The following ASCC3 variants were observed in gnomAD, a reference collection of about 807,000 sequenced individuals.
ASCC3 encodes the protein ASC-1 complex subunit P200.
Under a neutral mutation model 256.3 loss-of-function variants are expected in ASCC3, and 158 were observed. That is an observed-to-expected ratio of 0.62 (90% confidence interval 0.54 to 0.70). The LOEUF is 0.70. ASCC3 is among the 30% of genes least tolerant of loss of function. The probability of loss-of-function intolerance (pLI) is 0.00; values close to 1 mark genes in which losing one functional copy is unlikely to be tolerated. For missense variants in ASCC3, 2,259 were observed against 2,626.0 expected, an observed-to-expected ratio of 0.86 and a Z score of 3.05; for synonymous variants, 948 against 883.4, an observed-to-expected ratio of 1.07 and a Z score of -1.30.
intron 4 of ASCC3, among the ~76,000 whole-genome samples, chr6:100,821,766 G>A (rs1441041813): frequency 6.6e-6 from 1 of 152,022 alleles, no homozygotes; most frequent in African/African-American, 2.4e-5. Context: ...GGAGGTTGTA[G>A]TAAGCCAAGA....
intron 13 of ASCC3, among the ~76,000 whole-genome samples, chr6:100,706,726 C>T (rs1183932959): frequency 6.6e-6 from 1 of 152,022 alleles, no homozygotes; most frequent in Non-Finnish European, 1.5e-5. Flanking sequence ...GGCAGATCAA[C>T]CTGCAAGTAG....
Position 100,757,586 on chromosome 6 carries a change from GA to G in ASCC3, c.1737+8978del, listed in dbSNP as rs1562275646. ...ATGAACAAAAAAGGCACAAACCACA[GA>G]AGAAGTTTATAAATTTGACTATCTT... On this transcript the variant is annotated intron_variant, in intron 10 of 41. Transcript: ENST00000369162. Among the ~76,000 whole-genome samples, 3 of 1,358 alleles carry G rather than the reference GA, an allele frequency of 2.2e-3. No homozygotes were observed. In the Non-Finnish European group the frequency reaches 0.027, roughly 12 times the overall value. 0.9% of individuals were successfully genotyped at this position (1,358 alleles called of 152,430 possible).
At chr6:100,783,543 T>C (rs9498375) in intron 8 of ASCC3, among the ~76,000 whole-genome samples, 1 of 152,178 alleles carries the variant, frequency 6.6e-6, no homozygotes, top group East Asian at 1.9e-4. Context: ...AGAGCTCACA[T>C]TGCAGCAGAT....
intron 24 of ASCC3, among the ~76,000 whole-genome samples, chr6:100,640,244 A>G (rs1368361538): frequency 2.0e-5 from 3 of 152,068 alleles, no homozygotes; most frequent in African/African-American, 4.8e-5. Flanking sequence ...AAATAAATAA[A>G]CTGCATATTG....
At chr6:100,606,347 T>C (rs563844241) in intron 32 of ASCC3, among the ~76,000 whole-genome samples, 1 of 152,236 alleles carries the variant, frequency 6.6e-6, no homozygotes, top group East Asian at 1.9e-4. Context: ...ACTTTGGTTC[T>C]GGAAATCCCA....
intron 13 of ASCC3, among the ~76,000 whole-genome samples, chr6:100,713,637 C>A (rs1378962529): frequency 6.6e-6 from 1 of 152,002 alleles, no homozygotes; most frequent in Non-Finnish European, 1.5e-5. Context: ...GGACACTGTG[C>A]TTGTGTGGGA....
chr6:100,643,981 A>C, intron 23 of ASCC3, 50 bp downstream of exon 23: 1 of 1,276,832 alleles, frequency 7.8e-7, no homozygotes, highest in Non-Finnish European at 1.1e-6. Flanking sequence ...CTGTTAGTAT[A>C]ATTTTTTTTA....
intron 16 of ASCC3, among the ~76,000 whole-genome samples, chr6:100,660,686 C>T (rs916058351): frequency 2.6e-5 from 4 of 151,642 alleles, no homozygotes; most frequent in African/African-American, 9.7e-5. Flanking sequence ...CTGCACTAGA[C>T]AAGCTGTTAC....
At chr6:100,749,855 A>C (rs1003053633) in intron 10 of ASCC3, among the ~76,000 whole-genome samples, 6 of 151,642 alleles carry the variant, frequency 4.0e-5, no homozygotes, top group Non-Finnish European at 7.4e-5. Flanking sequence ...TATAGAAATA[A>C]ATTTTATATA....
At position 100,685,584 on chromosome 6, in the gene ASCC3, A is replaced by G. The variant is rs570566453; in HGVS notation, c.2152-5832T>C. 2.6e-5 allele frequency among the ~76,000 whole-genome samples: 4 copies of G among 152,350 alleles called. No homozygotes were observed. The South Asian group carries it at 6.2e-4, about 24-fold the overall frequency. ...AGAATCCTGTATTAAGGCATCCATC[A>G]TAAGTTAAAAAAATTATTAGCTTTT... is the stretch of plus-strand genomic sequence containing the variant. On this transcript the variant is annotated intron_variant, in intron 13 of 41. Coordinates refer to ENST00000369162, the MANE Select transcript of ASCC3 (RefSeq NM_006828.4).
chr6:100,864,318 C>T, intron 2 of ASCC3, 104 bp from the exon 3 acceptor site: 1 of 1,011,322 alleles, frequency 9.9e-7, no homozygotes, highest in Non-Finnish European at 1.5e-6. Context: ...TGGTACTACC[C>T]ACAAGAATTC....
At chr6:100,822,493 C>T (rs928891354) in intron 4 of ASCC3, among the ~76,000 whole-genome samples, 30 of 149,686 alleles carry the variant, frequency 2.0e-4, no homozygotes, top group Non-Finnish European at 3.8e-4. Context: ...TCCAAGATCG[C>T]GCCACTGCAC....
chr6:100,672,219 G>A (rs958328463), intron 14 of ASCC3, among the ~76,000 whole-genome samples: 6 of 151,934 alleles, frequency 3.9e-5, no homozygotes, highest in Admixed American at 3.3e-4. Context: ...TATTTAATTA[G>A]TTGTTTAATC....
chr6:100,766,077 T>G (rs773629696), intron 10 of ASCC3, among the ~76,000 whole-genome samples: 21 of 152,200 alleles, frequency 1.4e-4, no homozygotes, highest in Non-Finnish European at 2.6e-4. Flanking sequence ...TATTGTCAGG[T>G]ATTCATTCAT....
chr6:100,580,874 T>C (rs1051808986), intron 36 of ASCC3, among the ~76,000 whole-genome samples: 7 of 151,968 alleles, frequency 4.6e-5, no homozygotes, highest in African/African-American at 1.5e-4. Flanking sequence ...AGAATGATGA[T>C]TTCCAATTGC....
chr6:100,666,355 C>A (rs535471319), intron 14 of ASCC3, among the ~76,000 whole-genome samples: 2 of 152,030 alleles, frequency 1.3e-5, no homozygotes, highest in East Asian at 1.9e-4. Context: ...ATGAATCTTA[C>A]GGGTCACATG....
Position 100,784,177 on chromosome 6 carries a change from A to T in ASCC3, c.1395+14536T>A, listed in dbSNP as rs190399921. On this transcript the variant is annotated intron_variant, in intron 8 of 41. Coordinates refer to ENST00000369162, the MANE Select transcript of ASCC3 (RefSeq NM_006828.4). Reference sequence around the variant, plus strand: ...TTTTTAACCAAGTAACATAATTTATAAAACTAAATATGAAAATACAGTCAA... The same window carrying T: ...TTTTTAACCAAGTAACATAATTTATTAAACTAAATATGAAAATACAGTCAA... Among the ~76,000 whole-genome samples, 303 of 152,300 alleles carry T rather than the reference A, an allele frequency of 2.0e-3. 2 individuals are homozygous for T. The highest frequency in any genetic ancestry group is 3.3e-3 in the Non-Finnish European group (222 of 68,004).
chr6:100,549,063 C>T (rs370270451), intron 36 of ASCC3, among the ~76,000 whole-genome samples: 1 of 151,640 alleles, frequency 6.6e-6, no homozygotes, highest in East Asian at 1.9e-4. Context: ...AATGTAGGCA[C>T]CTATTTTTGG....
chr6:100,532,335 C>CGCGTGTGT (rs1333096090), intron 37 of ASCC3, among the ~76,000 whole-genome samples: 26 of 99,794 alleles, frequency 2.6e-4, no homozygotes, highest in Admixed American at 4.8e-4. Context: ...TGCTATCTTG[C>CGCGTGTGT]GTGTGTGTGT....
Sources: allele counts gnomAD v4.1 joint callset (sites outside exome capture counted in the v4.1 genomes callset), GRCh38; gene constraint gnomAD v4.1.1; transcripts MANE v1.5; gene names NCBI Gene and HGNC (gene_info 2026-07-23, HGNC 2026-07-21).